Variants in SNX19 observed in about 807,000 individuals in gnomAD.
The protein encoded by SNX19 is sorting nexin 19, also known as sorting nexin-19.
A neutral mutation model predicts 85.2 loss-of-function variants in SNX19; 60 were observed. The observed-to-expected ratio is 0.70, with a 90% confidence interval of 0.57 to 0.87. The LOEUF (loss-of-function observed/expected upper bound fraction) is 0.87. Ranked by LOEUF, SNX19 falls within the 40% of genes least tolerant of loss-of-function variation. SNX19 has a pLI of 0.00. For synonymous variants in SNX19, 520 were observed against 470.0 expected (o/e 1.11, Z -1.38); for missense variants, 1,201 against 1,217.8 (o/e 0.99, Z 0.21).
Position 130,915,841 on chromosome 11 carries a change from C to CCCCACA in SNX19, c.93_98dup (p.Gly33_Val34dup). Reference sequence around the variant, plus strand: ...TGACCAGGAGCCAGCCAAGCAAGACCCCCACAGCCATCAGCTTCCGGCTAC... The same window carrying CCCCACA: ...TGACCAGGAGCCAGCCAAGCAAGACCCCCACACCCACAGCCATCAGCTTCCGGCTAC... On this transcript the variant is annotated inframe_insertion, in exon 1 of 11. Coordinates refer to ENST00000265909, the MANE Select transcript of SNX19 (RefSeq NM_014758.3). The CCCCACA allele has an allele frequency of 6.2e-7, 1 of 1,614,196 alleles. No homozygotes were observed. The highest frequency in any genetic ancestry group is 8.5e-7 in the Non-Finnish European group (1 of 1,180,038).
At chr11:130,909,958 G>C (rs1945962817) in intron 4 of SNX19, 60 bp downstream of exon 4, 2 of 1,604,352 alleles carry the variant, frequency 1.2e-6, no homozygotes, top group Non-Finnish European at 8.5e-7. Context: ...CCTCCATTCT[G>C]ATGAATCCTC....
intron 8 of SNX19, chr11:130,894,683 T>G (rs1944749820): frequency 1.0e-6 from 1 of 985,320 alleles, no homozygotes; most frequent in Non-Finnish European, 1.2e-6. Flanking sequence ...TTTGAAACAA[T>G]AAAAGCAACA....
chr11:130,901,984 G>A (rs1426842231), intron 8 of SNX19: 1 of 152,200 alleles, frequency 6.6e-6, no homozygotes, highest in Non-Finnish European at 1.5e-5. Flanking sequence ...TAGGAACAAG[G>A]GGAAAAGCTT....
rs781271638 is a variant in SNX19 at position 130,915,355 on chromosome 11, C to T, written c.585G>A (p.Ala195=). The T allele has an allele frequency of 6.2e-7, 1 of 1,614,124 alleles. No homozygotes were observed. Among genetic ancestry groups the T allele is most frequent in the South Asian group, 1.1e-5 (1 of 91,066 alleles). ...TGTGCACAGCAGGATGTGGGGCAGT[C>T]GCCCGGCAGTAAGCCTCCCAGAGGT... ...PSHLWEAYCR[A]TAPHPAVHSP... Residue 195 remains alanine, a synonymous_variant, in exon 1 of 11, where the codon GCG becomes GCA. Transcript: ENST00000265909.
rs1945804430 is a variant in SNX19 at position 130,907,980 on chromosome 11, G to T, written c.2138C>A (p.Pro713His). 1 of 1,613,926 alleles carries T rather than the reference G, an allele frequency of 6.2e-7. No homozygotes were observed. Among genetic ancestry groups the T allele is most frequent in the African/African-American group, 1.3e-5 (1 of 74,882 alleles). ...GCTAGCCTTCTTGCCTTCTGTCTGG[G>T]GCTTGCTTTCGGTCTCGGCCTCACT... ...ELSEAETESKPQTEGKKASKS... is the reference protein window; with the variant it reads ...ELSEAETESKHQTEGKKASKS... Residue 713 changes from proline to histidine, a missense_variant, in exon 5 of 11, where the codon CCC (proline) becomes CAC (histidine). Physicochemically the swap from Pro to His is moderately conservative, Grantham distance 77. Coordinates refer to ENST00000265909, the MANE Select transcript of SNX19 (RefSeq NM_014758.3).
intron 8 of SNX19, chr11:130,894,681 A>C (rs1944749445): frequency 1.0e-6 from 1 of 985,364 alleles, no homozygotes; most frequent in African/African-American, 1.7e-5. Context: ...TATTTGAAAC[A>C]ATAAAAGCAA....
chr11:130,878,445 T>C lies in SNX19; in HGVS notation c.2956A>G (p.Lys986Glu), dbSNP rs750802338. The C allele has an allele frequency of 1.2e-5, 20 of 1,613,772 alleles. No homozygotes were observed. Among genetic ancestry groups the C allele is most frequent in the Non-Finnish European group, 1.6e-5 (19 of 1,179,836 alleles). ...TSASDTPGNS[K>E]RMGVSS is the part of the protein sequence containing the mutation. ...AGCTAAGAGGAGACACCCATCCTCTTAGAGTTGCCTGGGGTATCTGAGGCA... is the reference window on the plus strand; with the variant it reads ...AGCTAAGAGGAGACACCCATCCTCTCAGAGTTGCCTGGGGTATCTGAGGCA... The change falls in exon 11 of 11, where the codon AAG becomes GAG. Residue 986 changes from lysine (K) to glutamate (E), a missense_variant. Around this residue, in one of 3 missense-constraint regions of SNX19, gnomAD observed 285 missense variants for 295.3 expected, o/e 0.97. Coordinates refer to ENST00000265909, the MANE Select transcript of SNX19 (RefSeq NM_014758.3).
intron 9 of SNX19, 49 bp from the exon 10 acceptor site, chr11:130,879,760 A>G: frequency 6.5e-7 from 1 of 1,546,362 alleles, no homozygotes; most frequent in South Asian, 1.1e-5. Flanking sequence ...CTGAAGTTTT[A>G]GATTCTAAGG....
intron 8 of SNX19, among the ~76,000 whole-genome samples, chr11:130,901,174 C>T (rs1358514756): frequency 1.3e-5 from 2 of 152,156 alleles, no homozygotes; most frequent in East Asian, 1.9e-4. Context: ...CAGTAGGCAT[C>T]CCACATCTCC....
Position 130,872,933 on chromosome 11 carries a change from G to A in SNX19, c.*5489C>T, listed in dbSNP as rs957847840. On this transcript the variant is annotated 3_prime_UTR_variant, in exon 11 of 11. Coordinates refer to ENST00000265909, the MANE Select transcript of SNX19 (RefSeq NM_014758.3). ...GTGTGGAGGGGGCTGTGGGAGGTAC[G>A]GCTTGCCAGGACAACTTGGCTGAAT... is the stretch of plus-strand genomic sequence containing the variant. Among the ~76,000 whole-genome samples the A allele has an allele frequency of 2.0e-5, 3 of 152,120 alleles. No individual in the cohort carries two copies. Among genetic ancestry groups the A allele is most frequent in the Admixed American group, 6.5e-5 (1 of 15,278 alleles).
chr11:130,910,426 A>G (rs758734335), intron 2 of SNX19, 56 bp from the exon 3 acceptor site: 43 of 1,258,038 alleles, frequency 3.4e-5, no homozygotes, highest in Non-Finnish European at 4.7e-5. Context: ...ACAGAGAGCT[A>G]TTCCATATAA....
In SNX19 at chr11:130,911,528, T is replaced by C. The variant is rs1946124247; in HGVS notation, c.1813+105A>G. 1.9e-5 allele frequency: 30 copies of C among 1,558,926 alleles called. No individual in the cohort carries two copies. In the South Asian group the frequency reaches 3.6e-4, roughly 18 times the overall value. ...AGCAAATCCAGGGAGCAGAGAACCT[T>C]GAAACGGCATTCTCCTCCCCGATCC... On this transcript the variant is annotated intron_variant, in intron 2 of 10. Coordinates refer to ENST00000265909, the MANE Select transcript of SNX19 (RefSeq NM_014758.3).
At chr11:130,896,581 T>A (rs1207700765) in intron 8 of SNX19, among the ~76,000 whole-genome samples, 1 of 152,146 alleles carries the variant, frequency 6.6e-6, no homozygotes, top group East Asian at 1.9e-4. Flanking sequence ...GGCAGAGCAG[T>A]GGGAAACACA....
Position 130,874,968 on chromosome 11 carries a change from A to AATT in SNX19, c.*3451_*3453dup, listed in dbSNP as rs1943167023. On this transcript the variant is annotated 3_prime_UTR_variant, in exon 11 of 11. Transcript: ENST00000265909. ...GAAAACAGTATGAAGGTCTTCAAAGAATTAAAAACAGAACAATATATGATC... is the reference window on the plus strand; with the variant it reads ...GAAAACAGTATGAAGGTCTTCAAAGAATTATTAAAAACAGAACAATATATGATC... Among the ~76,000 whole-genome samples the AATT allele has an allele frequency of 6.6e-6, 1 of 152,252 alleles. No homozygotes were observed. Among genetic ancestry groups the AATT allele is most frequent in the African/African-American group, 2.4e-5 (1 of 41,474 alleles).
intron 4 of SNX19, among the ~76,000 whole-genome samples, chr11:130,909,011 A>C (rs1294681936): frequency 6.6e-6 from 1 of 152,242 alleles, no homozygotes; most frequent in African/African-American, 2.4e-5. Flanking sequence ...GGGGGAGAAC[A>C]AACCAGGGAA....
At chr11:130,908,339 C>T in intron 4 of SNX19, 1 of 292,126 alleles carries the variant, frequency 3.4e-6, no homozygotes, top group Non-Finnish European at 6.3e-6. Context: ...AAGCCAAAAC[C>T]AATAGTGAGA....
At chr11:130,899,078 G>A (rs1034206890) in intron 8 of SNX19, among the ~76,000 whole-genome samples, 11 of 152,174 alleles carry the variant, frequency 7.2e-5, no homozygotes, top group Non-Finnish European at 1.6e-4. Context: ...GAGGGTCATA[G>A]TACCGCTTTC....
intron 8 of SNX19, among the ~76,000 whole-genome samples, chr11:130,899,534 A>G (rs1046568038): frequency 6.6e-6 from 1 of 152,218 alleles, no homozygotes. Context: ...GAGAAGTATG[A>G]GATTCTTCAT....
chr11:130,913,956 CAG>C (rs1946341575), intron 1 of SNX19, among the ~76,000 whole-genome samples: 3 of 152,140 alleles, frequency 2.0e-5, no homozygotes, highest in African/African-American at 4.8e-5. Context: ...CAGAATCCAA[CAG>C]AGTCTGTCAG....
Sources: gnomAD v4.1 joint callset for allele counts (sites outside exome capture counted in the v4.1 genomes callset) on GRCh38, gnomAD v4.1.1 for gene constraint, gnomAD v4.1.1 regional missense constraint, MANE v1.5 for transcripts, NCBI Gene and HGNC (gene_info 2026-07-23, HGNC 2026-07-21) for gene names.